PALS2: variants seen among roughly 807,000 people sequenced by gnomAD.
PALS2 encodes protein associated with LIN7 2, MAGUK p55 family member, also known as protein PALS2.
A neutral mutation model predicts 61.6 loss-of-function variants in PALS2; 27 were observed. The ratio of observed to expected loss-of-function variants is 0.44; its 90% CI spans 0.32 to 0.60. PALS2 has a LOEUF of 0.60. Among genes scored for constraint, PALS2 ranks in the 20% least tolerant of loss-of-function variants. The probability of loss-of-function intolerance (pLI) is 0.05; values close to 1 mark genes in which losing one functional copy is unlikely to be tolerated. For missense variants in PALS2, 554 were observed against 639.4 expected (o/e 0.87, Z 1.44); for synonymous variants, 236 against 218.6 (o/e 1.08, Z -0.70).
At chr7:24,668,325 A>G (rs1256847901) in intron 8 of PALS2, among the ~76,000 whole-genome samples, 174 bp from the exon 9 acceptor site, 3 of 152,104 alleles carry the variant, frequency 2.0e-5, no homozygotes, top group Non-Finnish European at 4.4e-5. Context: ...ATAATAAAAT[A>G]ATTATTATTT....
intron 5 of PALS2, among the ~76,000 whole-genome samples, chr7:24,662,891 T>C (rs1786809381): frequency 6.8e-6 from 1 of 147,748 alleles, no homozygotes; most frequent in Non-Finnish European, 1.5e-5. Context: ...ATAAGCAAAA[T>C]AGCCCAAATT....
chr7:24,626,126 A>G (rs1784731956), intron 2 of PALS2, among the ~76,000 whole-genome samples: 1 of 152,188 alleles, frequency 6.6e-6, no homozygotes, highest in Non-Finnish European at 1.5e-5. Context: ...AGAAAAGGGA[A>G]AAAAACATGT....
At chr7:24,645,329 G>C (rs148212902) in intron 3 of PALS2, among the ~76,000 whole-genome samples, 2,478 of 152,212 alleles carry the variant, frequency 0.016, 79 homozygotes, top group African/African-American at 0.057. Context: ...TCAATCTTCT[G>C]CATATGGCTA....
At chr7:24,666,180 G>A (rs1787008218) in intron 8 of PALS2, 91 bp downstream of exon 8, 2 of 1,132,788 alleles carry the variant, frequency 1.8e-6, no homozygotes, top group African/African-American at 1.6e-5. Flanking sequence ...CTTTAAGTGA[G>A]TGTAATTCAG....
chr7:24,627,461 G>A (rs373867206), intron 2 of PALS2, among the ~76,000 whole-genome samples: 4 of 151,828 alleles, frequency 2.6e-5, no homozygotes, highest in Admixed American at 1.3e-4. Flanking sequence ...AACTAGAGAA[G>A]CAAGAGCAAT....
intron 1 of PALS2, among the ~76,000 whole-genome samples, chr7:24,582,728 A>G (rs573756491): frequency 6.6e-6 from 1 of 151,918 alleles, no homozygotes; most frequent in African/African-American, 2.4e-5. Flanking sequence ...CTCTTTTAAT[A>G]TCCTTCTATC....
Position 24,638,456 on chromosome 7 carries a change from A to G in PALS2, c.118-3260A>G, listed in dbSNP as rs1199008870. The stretch of plus-strand genomic sequence containing the variant: ...CGCCATTCTCCTGCCTCAGCCTCCC[A>G]AGTAGCTGGGACCACAGGCGCCCGC... On this transcript the variant is annotated intron_variant, in intron 2 of 11. Transcript: ENST00000222644. 2.7e-4 allele frequency among the ~76,000 whole-genome samples: 19 copies of G among 70,656 alleles called. 3 individuals are homozygous for G. Among genetic ancestry groups the G allele is most frequent in the Middle Eastern group, 4.9e-3 (1 of 206 alleles). 46.4% of individuals were successfully genotyped at this position (70,656 alleles called of 152,430 possible).
chr7:24,673,994 G>C (rs114807739), intron 9 of PALS2, among the ~76,000 whole-genome samples: 73 of 151,944 alleles, frequency 4.8e-4, no homozygotes, highest in South Asian at 1.5e-3. Context: ...ACTTTTGAGT[G>C]GGTTTTTTAT....
chr7:24,607,549 ATATG>A (rs1467757284), intron 1 of PALS2, among the ~76,000 whole-genome samples: 4 of 150,914 alleles, frequency 2.7e-5, no homozygotes, highest in Non-Finnish European at 5.9e-5. Flanking sequence ...ACACGTGTAT[ATATG>A]TATGTGTATA....
intron 9 of PALS2, chr7:24,674,680 A>G (rs1012298927): frequency 6.6e-6 from 1 of 152,134 alleles, no homozygotes; most frequent in Non-Finnish European, 1.5e-5. Context: ...TTGGGAGTAT[A>G]TTGCTTATTT....
chr7:24,676,408 T>C (rs11509162), intron 9 of PALS2, among the ~76,000 whole-genome samples: 33,685 of 151,718 alleles, frequency 0.22, 4,329 homozygotes, highest in African/African-American at 0.36. Context: ...TTTTGTCTTT[T>C]GTTGCCATTG....
rs901281071 is a variant in PALS2 at position 24,596,002 on chromosome 7, A to G, written c.-3+22409A>G. Among the ~76,000 whole-genome samples, 1 of 151,686 alleles carries G rather than the reference A, an allele frequency of 6.6e-6. No individual in the cohort carries two copies. The highest frequency in any genetic ancestry group is 2.4e-5 in the African/African-American group (1 of 41,310). On this transcript the variant is annotated intron_variant, in intron 1 of 11. Transcript: ENST00000222644. This position sits in a 1 kb window ranked among gnomAD's most constrained non-coding sequence, Gnocchi z 4.5. The stretch of plus-strand genomic sequence containing the variant: ...AGCAGACAAAGGGAAAGAGTTGGAG[A>G]AGTTGAACGCAGAGAGGTACAGTGG...
In PALS2 at chr7:24,691,418, T is replaced by C. The variant is rs1788468591; in HGVS notation, c.*3804T>C. The C allele has an allele frequency of 7.5e-6, 1 of 133,672 alleles. No individual in the cohort carries two copies. The highest frequency in any genetic ancestry group is 1.7e-5 in the Non-Finnish European group (1 of 59,288). The allele number at this position is 133,672 out of a possible 1,614,324, so 8.3% of individuals were successfully genotyped here. ...GTGTGTGTGTGTGTATATATATATA[T>C]ATATATATATATATATATATATATA... On this transcript the variant is annotated 3_prime_UTR_variant, in exon 12 of 12. Coordinates refer to ENST00000222644, the MANE Select transcript of PALS2 (RefSeq NM_001303037.2).
In PALS2 at chr7:24,691,586, G is replaced by A. The variant is rs527582042; in HGVS notation, c.*3972G>A. The A allele has an allele frequency of 2.0e-4, 30 of 151,148 alleles. No individual in the cohort carries two copies. Among genetic ancestry groups the A allele is most frequent in the African/African-American group, 7.3e-4 (30 of 41,304 alleles). 9.4% of individuals were successfully genotyped at this position (151,148 alleles called of 1,614,324 possible). Reference sequence around the variant, plus strand: ...GACATTCTGAAACTTTTTTTAGATTGTTTTAAAACGCTCTGGTTCCACCTT... The same window carrying A: ...GACATTCTGAAACTTTTTTTAGATTATTTTAAAACGCTCTGGTTCCACCTT... On this transcript the variant is annotated 3_prime_UTR_variant, in exon 12 of 12. Coordinates refer to ENST00000222644, the MANE Select transcript of PALS2 (RefSeq NM_001303037.2).
intron 1 of PALS2, chr7:24,597,241 T>C (rs1469913002): frequency 2.6e-5 from 4 of 152,288 alleles, no homozygotes; most frequent in Middle Eastern, 3.4e-3. Context: ...AGAAACTAGA[T>C]GAAGCCTCAG....
Position 24,593,109 on chromosome 7 carries a change from A to G in PALS2, c.-3+19516A>G, listed in dbSNP as rs921771713. On this transcript the variant is annotated intron_variant, in intron 1 of 11. Transcript: ENST00000222644. The stretch of plus-strand genomic sequence containing the variant: ...CAGCTAAACTTATGTAATATTCTAA[A>G]TTCTTTGTTGTCATTTCAGCAATAT... Among the ~76,000 whole-genome samples, 10 of 152,084 alleles carry G rather than the reference A, an allele frequency of 6.6e-5. No homozygotes were observed. The South Asian group carries it at 1.9e-3, about 28-fold the overall frequency.
At chr7:24,616,669 T>G (rs767791250) in intron 1 of PALS2, among the ~76,000 whole-genome samples, 3 of 152,174 alleles carry the variant, frequency 2.0e-5, no homozygotes, top group Non-Finnish European at 2.9e-5. Context: ...GCCAAGGGTG[T>G]TGTTGATATG....
intron 2 of PALS2, among the ~76,000 whole-genome samples, chr7:24,627,337 A>G (rs1284243664): frequency 1.3e-5 from 2 of 152,250 alleles, no homozygotes; most frequent in African/African-American, 4.8e-5. Flanking sequence ...ACAATGTACC[A>G]GAATCTCTGG....
intron 2 of PALS2, among the ~76,000 whole-genome samples, chr7:24,627,284 G>A (rs1171635614): frequency 6.6e-6 from 1 of 152,152 alleles, no homozygotes; most frequent in Non-Finnish European, 1.5e-5. Flanking sequence ...ATGAAATTAA[G>A]GCAGAAATAA....
Sources: gnomAD v4.1 joint callset for allele counts (sites outside exome capture counted in the v4.1 genomes callset) on GRCh38, gnomAD v4.1.1 for gene constraint, Gnocchi (gnomAD v3.1) non-coding constraint, MANE v1.5 for transcripts, NCBI Gene and HGNC (gene_info 2026-07-23, HGNC 2026-07-21) for gene names.